Variants in ZNF521 observed in about 807,000 individuals in gnomAD.
The protein encoded by ZNF521 is LYST-interacting protein 3.
In ZNF521, 14 loss-of-function variants were observed where a neutral mutation model predicts 105.5. The observed-to-expected ratio is 0.13, with a 90% CI of 0.09 to 0.21. ZNF521 has a LOEUF of 0.21. Ranked by LOEUF, ZNF521 falls within the 10% of genes least tolerant of loss-of-function variation. The probability of loss-of-function intolerance (pLI) is 1.00; values close to 1 mark genes in which losing one functional copy is unlikely to be tolerated. For missense variants in ZNF521, 1,233 were observed against 1,629.7 expected (o/e 0.76, Z 4.19); for synonymous variants, 635 against 606.0 (o/e 1.05, Z -0.70).
At chr18:25,069,002 C>A (rs1212579340) in intron 7 of ZNF521, among the ~76,000 whole-genome samples, 1 of 152,196 alleles carries the variant, frequency 6.6e-6, no homozygotes, top group Non-Finnish European at 1.5e-5. Flanking sequence ...AGAAGAATTT[C>A]TTTGTGAAGG....
chr18:25,280,882 T>G (rs11663772), intron 3 of ZNF521, among the ~76,000 whole-genome samples: 1 of 152,118 alleles, frequency 6.6e-6, no homozygotes, highest in East Asian at 1.9e-4. Flanking sequence ...AACCATAGAT[T>G]CGATCACCTA....
intron 2 of ZNF521, 49 bp downstream of exon 2, chr18:25,350,858 G>A (rs1914718101): frequency 1.3e-6 from 2 of 1,538,662 alleles, no homozygotes; most frequent in African/African-American, 1.4e-5. Flanking sequence ...GCTACCCACA[G>A]TGACACTCGC....
In ZNF521 at chr18:25,062,802, CAAA is replaced by C; in HGVS notation, c.3907-64_3907-62del. On this transcript the variant is annotated intron_variant, in intron 7 of 7. Coordinates refer to ENST00000361524, the MANE Select transcript of ZNF521 (RefSeq NM_015461.3). The stretch of plus-strand genomic sequence containing the variant: ...AAAAAAAAAGAGAAGAGAGGGAAAA[CAAA>C]CTTCAGTGATTTCATTTTCATCAGA... The C allele has an allele frequency of 8.3e-6, 10 of 1,197,802 alleles. No homozygotes were observed. The East Asian group carries it at 1.3e-4, about 15-fold the overall frequency. 74.2% of individuals were successfully genotyped at this position (1,197,802 alleles called of 1,614,324 possible). A position where few individuals can be genotyped will look rare whatever the true frequency, so the allele number is the denominator to read the frequency against.
chr18:25,309,627 G>A (rs570532961), intron 3 of ZNF521, among the ~76,000 whole-genome samples: 1 of 152,054 alleles, frequency 6.6e-6, no homozygotes, highest in South Asian at 2.1e-4. Context: ...ATAAAACACT[G>A]GTGAAAAGCA....
At chr18:25,072,217 A>G (rs1180589358) in intron 7 of ZNF521, among the ~76,000 whole-genome samples, 1 of 152,246 alleles carries the variant, frequency 6.6e-6, no homozygotes, top group East Asian at 1.9e-4. Context: ...AAGACTAAGC[A>G]AAGACTAATT....
Position 25,227,429 on chromosome 18 carries a change from G to A in ZNF521, c.489C>T (p.Arg163=), listed in dbSNP as rs768759409. The change falls in exon 4 of 8, where the codon CGC becomes CGT. Residue 163 remains arginine, a synonymous_variant. Coordinates refer to ENST00000361524, the MANE Select transcript of ZNF521 (RefSeq NM_015461.3). This position sits in a 1 kb window ranked among gnomAD's most constrained non-coding sequence, Gnocchi z 5.7. ...TGTCCCCGGTGTGGAGTTTTATGTGGCGATCTCGGCTGCGCTTGTGTTTGA... is the reference window on the plus strand; with the variant it reads ...TGTCCCCGGTGTGGAGTTTTATGTGACGATCTCGGCTGCGCTTGTGTTTGA... ...RLFKHKRSRD[R]HIKLHTGDKK... 1 of 1,613,136 alleles carries A rather than the reference G, an allele frequency of 6.2e-7. No individual in the cohort carries two copies. Among genetic ancestry groups the A allele is most frequent in the South Asian group, 1.1e-5 (1 of 90,992 alleles).
intron 5 of ZNF521, among the ~76,000 whole-genome samples, chr18:25,115,076 G>A (rs2034276207): frequency 6.6e-6 from 1 of 152,138 alleles, no homozygotes; most frequent in Admixed American, 6.6e-5. Context: ...CCAATGGAAG[G>A]GAGTAGAAAA....
rs553027555 is a variant in ZNF521 at position 25,141,875 on chromosome 18, T to C, written c.3659-49794A>G. Reference sequence around the variant, plus strand: ...CAAAACATCACCATACGACTGTCGGTGACCAGTGTAACTTTCCAACATTCC... The same window carrying C: ...CAAAACATCACCATACGACTGTCGGCGACCAGTGTAACTTTCCAACATTCC... On this transcript the variant is annotated intron_variant, in intron 5 of 7. Transcript: ENST00000361524. Among the ~76,000 whole-genome samples the C allele has an allele frequency of 3.5e-4, 53 of 152,258 alleles. No homozygotes were observed. The East Asian group carries it at 8.9e-3, about 25-fold the overall frequency.
chr18:25,201,054 A>G (rs1296764077), intron 4 of ZNF521: 1 of 138,454 alleles, frequency 7.2e-6, no homozygotes, highest in African/African-American at 2.8e-5. Context: ...TTTTTTTTCT[A>G]TGTGCTCATT....
At chr18:25,132,923 C>T (rs1020511091) in intron 5 of ZNF521, among the ~76,000 whole-genome samples, 6 of 152,156 alleles carry the variant, frequency 3.9e-5, no homozygotes, top group African/African-American at 7.2e-5. Flanking sequence ...TAAATTCTAC[C>T]GTCTGCCCCG....
At chr18:25,139,172 C>T (rs2034795150) in intron 5 of ZNF521, among the ~76,000 whole-genome samples, 1 of 151,528 alleles carries the variant, frequency 6.6e-6, no homozygotes, top group Non-Finnish European at 1.5e-5. Context: ...ATTTCAAGAC[C>T]AGCCTGGCCA....
intron 3 of ZNF521, among the ~76,000 whole-genome samples, chr18:25,262,558 C>T (rs932494404): frequency 6.6e-6 from 1 of 152,058 alleles, no homozygotes; most frequent in South Asian, 2.1e-4. Context: ...ATTTACTGAT[C>T]ATCTACTATG....
intron 3 of ZNF521, among the ~76,000 whole-genome samples, chr18:25,244,746 T>C (rs552107839): frequency 6.6e-6 from 1 of 152,338 alleles, no homozygotes; most frequent in East Asian, 1.9e-4. Flanking sequence ...TCCTCACAGA[T>C]GACTTTTTTA....
chr18:25,126,938 C>A (rs2034549356), intron 5 of ZNF521, among the ~76,000 whole-genome samples: 1 of 152,046 alleles, frequency 6.6e-6, no homozygotes, highest in South Asian at 2.1e-4. Flanking sequence ...TTGGTTTATT[C>A]ATTTGGGCCA....
chr18:25,221,118 T>C (rs984537070), intron 4 of ZNF521, among the ~76,000 whole-genome samples: 3 of 152,206 alleles, frequency 2.0e-5, no homozygotes, highest in African/African-American at 7.2e-5. Context: ...AAATCTTCAC[T>C]GCAAATTTAG....
intron 5 of ZNF521, among the ~76,000 whole-genome samples, chr18:25,125,708 T>C (rs1000002648): frequency 1.5e-5 from 2 of 135,766 alleles, no homozygotes; most frequent in African/African-American, 5.5e-5. Context: ...AGGATAGATT[T>C]AGTTTTCAAA....
intron 3 of ZNF521, among the ~76,000 whole-genome samples, chr18:25,309,108 C>T (rs1272551715): frequency 2.0e-5 from 3 of 152,118 alleles, no homozygotes; most frequent in Non-Finnish European, 4.4e-5. Flanking sequence ...TTGCAAAGGG[C>T]AGGCAGACTG....
chr18:25,167,098 A>G (rs1487941860), intron 5 of ZNF521, among the ~76,000 whole-genome samples: 1 of 152,224 alleles, frequency 6.6e-6, no homozygotes, highest in African/African-American at 2.4e-5. Flanking sequence ...TTCCTAGCAC[A>G]GGTGAACCTA....
intron 5 of ZNF521, among the ~76,000 whole-genome samples, chr18:25,170,770 T>G (rs145114061): frequency 2.0e-5 from 3 of 152,180 alleles, no homozygotes; most frequent in Non-Finnish European, 2.9e-5. Flanking sequence ...AAGGTAAGAC[T>G]GATCATACAA....
Sources: gnomAD v4.1 joint callset for allele counts (sites outside exome capture counted in the v4.1 genomes callset) on GRCh38, gnomAD v4.1.1 for gene constraint, Gnocchi (gnomAD v3.1) non-coding constraint, MANE v1.5 for transcripts, NCBI Gene and HGNC (gene_info 2026-07-23, HGNC 2026-07-21) for gene names.